Variants in LRP12 observed in about 807,000 individuals in gnomAD.
LRP12 encodes the protein low-density lipoprotein receptor-related protein 12.
A neutral mutation model predicts 66.0 loss-of-function variants in LRP12; 14 were observed. The observed-to-expected ratio is 0.21, with a 90% CI of 0.14 to 0.33. LRP12 has a LOEUF of 0.33. LRP12 is among the 10% of genes least tolerant of loss of function. The pLI is 1.00. For synonymous variants in LRP12, 357 were observed against 359.1 expected (o/e 0.99, Z 0.07); for missense variants, 889 against 1,053.4 (o/e 0.84, Z 2.16).
intron 1 of LRP12, among the ~76,000 whole-genome samples, chr8:104,588,083 C>G (rs545806395): frequency 1.2e-4 from 18 of 152,334 alleles, no homozygotes; most frequent in African/African-American, 3.8e-4. Flanking sequence ...CTAACCCGAT[C>G]CATCGACTGG....
Position 104,497,613 on chromosome 8 carries a change from A to G in LRP12, c.939T>C (p.Asp313=). Residue 313 remains aspartate, a synonymous_variant, in exon 5 of 7, where the codon GAT becomes GAC. Coordinates refer to ENST00000276654, the MANE Select transcript of LRP12 (RefSeq NM_013437.5). This position sits in a 1 kb window ranked among gnomAD's most constrained non-coding sequence, Gnocchi z 4.3. ...CTAATCCATCATATATTTTGACATAATCACCATAACCAGTACCATCAAGTT... is the reference window on the plus strand; with the variant it reads ...CTAATCCATCATATATTTTGACATAGTCACCATAACCAGTACCATCAAGTT... ...DFKLDGTGYG[D]YVKIYDGLEE... 1 of 1,613,976 alleles carries G rather than the reference A, an allele frequency of 6.2e-7. No homozygotes were observed. The highest frequency in any genetic ancestry group is 1.1e-5 in the South Asian group (1 of 91,028).
intron 1 of LRP12, among the ~76,000 whole-genome samples, chr8:104,554,793 T>C (rs528778522): frequency 3.3e-5 from 5 of 152,046 alleles, no homozygotes; most frequent in Non-Finnish European, 5.9e-5. Context: ...TGATTCATCA[T>C]AAAAAGATCA....
intron 1 of LRP12, among the ~76,000 whole-genome samples, chr8:104,567,230 AAAAG>A (rs1172515684): frequency 2.6e-5 from 4 of 152,206 alleles, no homozygotes; most frequent in Non-Finnish European, 5.9e-5. Context: ...ACTGGGAAGA[AAAAG>A]AGGTTTAATT....
intron 2 of LRP12, among the ~76,000 whole-genome samples, chr8:104,525,892 G>T (rs1478380941): frequency 1.3e-5 from 2 of 152,132 alleles, no homozygotes; most frequent in East Asian, 3.9e-4. Flanking sequence ...AAGTCAAATT[G>T]TCCCTGTTTG....
rs2140906612 is a variant in LRP12 at position 104,589,179 on chromosome 8, A to G, written c.-282T>C. Among the ~76,000 whole-genome samples the G allele has an allele frequency of 6.7e-6, 1 of 149,934 alleles. No homozygotes were observed. The highest frequency in any genetic ancestry group is 1.5e-5 in the Non-Finnish European group (1 of 67,454). ...GGCAAGGGCAAGGAGCTCGCGCGCC[A>G]GCGCGAGACGAGAGGGTGGCGGACG... On this transcript the variant is annotated 5_prime_UTR_variant, in exon 1 of 7. Coordinates refer to ENST00000276654, the MANE Select transcript of LRP12 (RefSeq NM_013437.5).
At chr8:104,498,515 T>C (rs1038678424) in intron 4 of LRP12, among the ~76,000 whole-genome samples, 1 of 152,204 alleles carries the variant, frequency 6.6e-6, no homozygotes, top group Non-Finnish European at 1.5e-5. Flanking sequence ...GATAATGGCT[T>C]CCAGCTTCAT....
chr8:104,504,364 C>T (rs1810873774), intron 3 of LRP12: 1 of 152,030 alleles, frequency 6.6e-6, no homozygotes, highest in Admixed American at 6.5e-5. Context: ...TTAAAATTTA[C>T]CCTCTAATTC....
chr8:104,526,369 G>C (rs1216750071), intron 2 of LRP12, among the ~76,000 whole-genome samples: 3 of 151,586 alleles, frequency 2.0e-5, no homozygotes, highest in Non-Finnish European at 3.0e-5. Flanking sequence ...AGCCCGCATC[G>C]CCAAGTCAAT....
intron 1 of LRP12, among the ~76,000 whole-genome samples, chr8:104,565,708 A>C (rs1811987441): frequency 6.6e-6 from 1 of 151,892 alleles, no homozygotes; most frequent in Admixed American, 6.6e-5. Flanking sequence ...AAAATACAAA[A>C]AAATTAGCCA....
At chr8:104,544,048 A>C (rs1301015606) in intron 1 of LRP12, among the ~76,000 whole-genome samples, 3 of 152,222 alleles carry the variant, frequency 2.0e-5, no homozygotes, top group African/African-American at 7.2e-5. Flanking sequence ...AGTTTCTAAA[A>C]GAAATTAAAA....
rs536307496 is a variant in LRP12, at chr8:104,502,202, T to C, written c.273-2683A>G. 3.3e-5 allele frequency among the ~76,000 whole-genome samples: 5 copies of C among 152,304 alleles called. No individual in the cohort carries two copies. The East Asian group carries it at 9.6e-4, about 29-fold the overall frequency. On this transcript the variant is annotated intron_variant, in intron 3 of 6. Coordinates refer to ENST00000276654, the MANE Select transcript of LRP12 (RefSeq NM_013437.5). ...AGTTTAAGGACACTGTCTTTACTTG[T>C]AAAGTATGACACACAGAGTTTCATT... is the stretch of plus-strand genomic sequence containing the variant.
At chr8:104,531,565 T>C (rs1041068765) in intron 2 of LRP12, among the ~76,000 whole-genome samples, 7 of 152,158 alleles carry the variant, frequency 4.6e-5, no homozygotes, top group African/African-American at 1.7e-4. Flanking sequence ...ATCCTAGGGA[T>C]AGCATTCAAA....
At chr8:104,553,439 T>C (rs1435724178) in intron 1 of LRP12, among the ~76,000 whole-genome samples, 2 of 152,120 alleles carry the variant, frequency 1.3e-5, no homozygotes, top group Non-Finnish European at 2.9e-5. Context: ...TCAGGCTGCA[T>C]GGGAGCTGGG....
intron 3 of LRP12, among the ~76,000 whole-genome samples, chr8:104,500,656 CTG>C (rs1281207950): frequency 6.6e-6 from 1 of 152,158 alleles, no homozygotes; most frequent in East Asian, 1.9e-4. Context: ...TAAGCCGAGA[CTG>C]TGCCACTGCA....
chr8:104,523,644 T>C (rs963210115), intron 2 of LRP12, among the ~76,000 whole-genome samples: 2 of 152,196 alleles, frequency 1.3e-5, no homozygotes, highest in Non-Finnish European at 2.9e-5. Context: ...TATTTTTCAT[T>C]GTGTTTAGTG....
intron 2 of LRP12, among the ~76,000 whole-genome samples, chr8:104,517,091 G>A (rs1332270614): frequency 6.6e-6 from 1 of 151,280 alleles, no homozygotes; most frequent in Non-Finnish European, 1.5e-5. Context: ...GGGCACAAAA[G>A]AAATAGAGAA....
In LRP12 at chr8:104,499,353, T is replaced by C. The variant is rs551787314; in HGVS notation, c.439A>G (p.Ile147Val). 5.0e-6 allele frequency: 8 copies of C among 1,613,568 alleles called. No individual in the cohort carries two copies. In the East Asian group the frequency reaches 1.1e-4, roughly 22 times the overall value. The stretch of plus-strand genomic sequence containing the variant: ...GCCAGTCTGAAACCCTTTCTAGAGA[T>C]GTTGTCATCCGAATGAAACCTAATC... The part of the protein sequence containing the change: ...IWIRFHSDDN[I>V]SRKGFRLAYF... Residue 147 changes from isoleucine to valine, a missense_variant, in exon 4 of 7, where the codon ATC (isoleucine) becomes GTC (valine). Physicochemically the swap from Ile to Val is conservative, Grantham distance 29. Coordinates refer to ENST00000276654, the MANE Select transcript of LRP12 (RefSeq NM_013437.5).
intron 1 of LRP12, among the ~76,000 whole-genome samples, chr8:104,565,931 G>A (rs1392941528): frequency 4.7e-5 from 7 of 147,992 alleles, no homozygotes; most frequent in Admixed American, 2.0e-4. Context: ...ATGGAAAGAC[G>A]GAGGGGGAGA....
At chr8:104,586,843 T>C (rs1348770197) in intron 1 of LRP12, among the ~76,000 whole-genome samples, 1 of 152,166 alleles carries the variant, frequency 6.6e-6, no homozygotes, top group East Asian at 1.9e-4. Flanking sequence ...TCCTTTTTTT[T>C]TTTACACTTT....
Sources: allele counts gnomAD v4.1 joint callset (sites outside exome capture counted in the v4.1 genomes callset), GRCh38; gene constraint gnomAD v4.1.1; non-coding constraint Gnocchi (gnomAD v3.1); transcripts MANE v1.5; gene names NCBI Gene and HGNC (gene_info 2026-07-23, HGNC 2026-07-21).